The following DNAH10 variants were observed in gnomAD, a reference collection of about 807,000 sequenced individuals.
DNAH10 encodes the protein dynein axonemal heavy chain 10, also known as axonemal beta dynein heavy chain 10.
In DNAH10, 348 loss-of-function variants were observed where a neutral mutation model predicts 506.6. The observed-to-expected ratio is 0.69, with a 90% CI of 0.63 to 0.75. DNAH10 has a LOEUF of 0.75. Among genes scored for constraint, DNAH10 ranks in the 30% least tolerant of loss-of-function variants. DNAH10 has a pLI of 0.00. For missense variants in DNAH10, 5,179 were observed against 5,787.1 expected (o/e 0.89, Z 3.41); for synonymous variants, 2,059 against 2,198.6 (o/e 0.94, Z 1.78).
At chr12:123,878,926 G>C (rs903345243) in intron 48 of DNAH10, among the ~76,000 whole-genome samples, 1 of 152,060 alleles carries the variant, frequency 6.6e-6, no homozygotes, top group Non-Finnish European at 1.5e-5. Flanking sequence ...AGAAAAAGAA[G>C]TTGCCAGTGA....
chr12:123,828,144 A>C (rs1960175687), intron 25 of DNAH10, among the ~76,000 whole-genome samples: 1 of 152,034 alleles, frequency 6.6e-6, no homozygotes, highest in South Asian at 2.1e-4. Context: ...TGTAAAGAGA[A>C]AACCAAAAGC....
chr12:123,786,996 G>A (rs1018592382), intron 9 of DNAH10, among the ~76,000 whole-genome samples: 1 of 152,094 alleles, frequency 6.6e-6, no homozygotes, highest in African/African-American at 2.4e-5. Context: ...AGAATTAGCC[G>A]GGTGTGGTGG....
intron 33 of DNAH10, among the ~76,000 whole-genome samples, chr12:123,848,328 G>A (rs1009896355): frequency 2.0e-5 from 3 of 152,224 alleles, no homozygotes; most frequent in Non-Finnish European, 4.4e-5. Flanking sequence ...GGTTGATAAT[G>A]TACGTGAGTA....
chr12:123,776,982 G>GA (rs1292836879), intron 5 of DNAH10, among the ~76,000 whole-genome samples: 2 of 152,184 alleles, frequency 1.3e-5, no homozygotes, highest in African/African-American at 2.4e-5. Context: ...AAACAAGGGG[G>GA]AGAGGGAAAG....
chr12:123,878,408 A>G (rs1040833839), intron 48 of DNAH10, among the ~76,000 whole-genome samples: 2 of 152,198 alleles, frequency 1.3e-5, no homozygotes, highest in African/African-American at 4.8e-5. Flanking sequence ...GTGGATTCAT[A>G]TTATGAATCC....
intron 72 of DNAH10, chr12:123,930,100 C>T (rs1174822572): frequency 1.9e-6 from 1 of 518,052 alleles, no homozygotes; most frequent in African/African-American, 1.9e-5. Flanking sequence ...ACAGAAGCAG[C>T]TGCTGGCTTC....
At chr12:123,894,780 C>A in intron 54 of DNAH10, 57 bp downstream of exon 54, 1 of 1,483,840 alleles carries the variant, frequency 6.7e-7, no homozygotes, top group Non-Finnish European at 9.4e-7. Flanking sequence ...AATTTATTTT[C>A]CCTTTTCTGA....
chr12:123,831,298 G>A (rs1037955143), intron 26 of DNAH10, among the ~76,000 whole-genome samples: 3 of 150,918 alleles, frequency 2.0e-5, no homozygotes, highest in Non-Finnish European at 4.4e-5. Flanking sequence ...ACTCATATAT[G>A]TGCACATACA....
In DNAH10 at chr12:123,881,651, C is replaced by T; in HGVS notation, c.8661C>T (p.Ser2887=). Residue 2887 remains serine, a synonymous_variant, in exon 51 of 79, where the codon AGC becomes AGT. Coordinates refer to ENST00000673944, the MANE Select transcript of DNAH10 (RefSeq NM_001372106.1). ...AAATTCTTGAAGAGTATAATGAAAG[C>T]AACACCAAAATGAACTTGGTTCTCT... ...FQEILEEYNE[S]NTKMNLVLFD... 6.5e-7 allele frequency: 1 copy of T among 1,537,506 alleles called. No individual in the cohort carries two copies. The highest frequency in any genetic ancestry group is 8.8e-7 in the Non-Finnish European group (1 of 1,142,796).
Position 123,846,102 on chromosome 12 carries a change from G to A in DNAH10, c.5762G>A (p.Gly1921Asp), listed in dbSNP as rs776249760. The A allele has an allele frequency of 1.2e-6, 2 of 1,613,934 alleles. No homozygotes were observed. The highest frequency in any genetic ancestry group is 3.3e-5 in the Admixed American group (2 of 60,018). ...GYGYEYMGLN[G>D]RLVITPLTDR... ...GGCTACGAGTACATGGGCCTGAACG[G>A]CAGGCTGGTCATCACGCCCCTCACC... Residue 1921 changes from glycine (G) to aspartate (D), a missense_variant, in exon 32 of 79, where the codon GGC (glycine) becomes GAC (aspartate). Coordinates refer to ENST00000673944, the MANE Select transcript of DNAH10 (RefSeq NM_001372106.1). This position sits in a 1 kb window ranked among gnomAD's most constrained non-coding sequence, Gnocchi z 4.5.
rs1266485884 is a variant in DNAH10 at position 123,917,577 on chromosome 12, C to G, written c.11003-7C>G. 1 of 1,550,806 alleles carries G rather than the reference C, an allele frequency of 6.4e-7. No individual in the cohort carries two copies. Among genetic ancestry groups the G allele is most frequent in the South Asian group, 1.2e-5 (1 of 84,026 alleles). On this transcript the variant is annotated splice_polypyrimidine_tract_variant and splice_region_variant and intron_variant, in intron 63 of 78. Transcript: ENST00000673944. This position sits in a 1 kb window ranked among gnomAD's most constrained non-coding sequence, Gnocchi z 5.6. Reference sequence around the variant, plus strand: ...AGGTGGTGAGGGCCTCTCACTGTCCCCCACAGTCACGCTGAAGGGCCTGGA... The same window carrying G: ...AGGTGGTGAGGGCCTCTCACTGTCCGCCACAGTCACGCTGAAGGGCCTGGA...
At chr12:123,837,841 C>T (rs970730080) in intron 28 of DNAH10, among the ~76,000 whole-genome samples, 2 of 151,186 alleles carry the variant, frequency 1.3e-5, no homozygotes, top group Non-Finnish European at 2.9e-5. Context: ...AACAATCCTC[C>T]TAATCCTCCT....
chr12:123,844,717 A>C (rs1950888387), intron 30 of DNAH10, among the ~76,000 whole-genome samples: 1 of 152,068 alleles, frequency 6.6e-6, no homozygotes. Flanking sequence ...CGGCTCACTG[A>C]AGCCTTGAGT....
intron 2 of DNAH10, among the ~76,000 whole-genome samples, chr12:123,769,974 C>T (rs1957189295): frequency 6.9e-6 from 1 of 144,502 alleles, no homozygotes; most frequent in Admixed American, 7.2e-5. Context: ...GTTGTGGTGG[C>T]TCACGCCTAT....
chr12:123,886,404 G>T (rs1566047798), intron 51 of DNAH10, among the ~76,000 whole-genome samples: 2 of 152,176 alleles, frequency 1.3e-5, no homozygotes, highest in Admixed American at 1.3e-4. Flanking sequence ...GGTGAGGAAG[G>T]TTTGCAGGCG....
chr12:123,834,208 T>TA (rs1288798804), intron 27 of DNAH10, among the ~76,000 whole-genome samples: 2 of 152,176 alleles, frequency 1.3e-5, no homozygotes, highest in Non-Finnish European at 2.9e-5. Flanking sequence ...AATTTGTGAG[T>TA]AAAAAACAAT....
intron 27 of DNAH10, among the ~76,000 whole-genome samples, chr12:123,834,783 C>A (rs1166271435): frequency 6.6e-6 from 1 of 152,200 alleles, no homozygotes; most frequent in Non-Finnish European, 1.5e-5. Context: ...ATATATGATC[C>A]TTTACGTCTG....
chr12:123,836,113 C>T (rs1274503276), intron 28 of DNAH10, among the ~76,000 whole-genome samples: 1 of 152,168 alleles, frequency 6.6e-6, no homozygotes, highest in African/African-American at 2.4e-5. Flanking sequence ...TCTCATGGTT[C>T]TGTCACTTTA....
At chr12:123,859,980 G>T (rs186765330) in intron 38 of DNAH10, among the ~76,000 whole-genome samples, 12 of 151,682 alleles carry the variant, frequency 7.9e-5, no homozygotes, top group African/African-American at 2.7e-4. Context: ...CAGTGGGCTA[G>T]GATTGTGCCA....
Sources: gnomAD v4.1 joint callset for allele counts (sites outside exome capture counted in the v4.1 genomes callset) on GRCh38, gnomAD v4.1.1 for gene constraint, Gnocchi (gnomAD v3.1) non-coding constraint, MANE v1.5 for transcripts, NCBI Gene and HGNC (gene_info 2026-07-23, HGNC 2026-07-21) for gene names.